Variants in MTUS2 observed in about 807,000 individuals in gnomAD.
MTUS2 encodes microtubule associated scaffold protein 2.
MTUS2 carries 40 observed loss-of-function variants against 114.1 expected under a neutral mutation model. The ratio of observed to expected loss-of-function variants is 0.35; its 90% CI spans 0.27 to 0.46. MTUS2 has a LOEUF of 0.46. MTUS2 is among the 20% of genes least tolerant of loss of function. The pLI, the probability that MTUS2 is intolerant of heterozygous loss-of-function variation, is 1.00. For missense variants in MTUS2, 1,679 were observed against 1,705.4 expected, an observed-to-expected ratio of 0.98 and a Z score of 0.27; for synonymous variants, 688 against 672.0, an observed-to-expected ratio of 1.02 and a Z score of -0.37.
At chr13:29,163,993 A>G (rs1893210280) in intron 5 of MTUS2, among the ~76,000 whole-genome samples, 1 of 152,152 alleles carries the variant, frequency 6.6e-6, no homozygotes, top group Non-Finnish European at 1.5e-5. Context: ...AAACTCTGCT[A>G]CACGCCCTTT....
rs1188226708 is a variant in MTUS2, at chr13:29,130,189, AAC to A, written c.2644+29222_2644+29223del. Among the ~76,000 whole-genome samples, 9 of 150,928 alleles carry A rather than the reference AAC, an allele frequency of 6.0e-5. No individual in the cohort carries two copies. The South Asian group carries it at 1.9e-3, about 32-fold the overall frequency. ...GTAGATTTTGAGTATGTCATTAATT[AAC>A]ACGTTTAACTCAGATCAAATTTCTC... On this transcript the variant is annotated intron_variant, in intron 5 of 15. Transcript: ENST00000612955.
intron 5 of MTUS2, among the ~76,000 whole-genome samples, chr13:29,267,404 A>G (rs1307974786): frequency 1.3e-5 from 2 of 152,142 alleles, no homozygotes; most frequent in Admixed American, 1.3e-4. Context: ...TTTCATAACA[A>G]ATCACAGTGT....
intron 6 of MTUS2, among the ~76,000 whole-genome samples, chr13:29,322,513 A>G (rs1593300813): frequency 6.6e-6 from 1 of 152,178 alleles, no homozygotes; most frequent in Non-Finnish European, 1.5e-5. Flanking sequence ...CTTAGACCCT[A>G]TCTGGGTCAA....
rs187849163 is a variant in MTUS2, at chr13:29,340,303, A to G, written c.2905+15592A>G. Among the ~76,000 whole-genome samples, 122 of 152,340 alleles carry G rather than the reference A, an allele frequency of 8.0e-4. 1 individual carries two copies. The highest frequency in any genetic ancestry group is 2.7e-3 in the African/African-American group (113 of 41,584). On this transcript the variant is annotated intron_variant, in intron 7 of 15. Transcript: ENST00000612955. ...ACTTTTGTGCCTGACCTTTAAAGGT[A>G]GAAGATAGAATTTCTGCCAGGTCCT...
intron 6 of MTUS2, among the ~76,000 whole-genome samples, chr13:29,319,848 A>G (rs915322635): frequency 2.4e-5 from 3 of 122,600 alleles, no homozygotes; most frequent in African/African-American, 3.9e-5. Context: ...GCTATTCAAG[A>G]AAGCTAAAAA....
chr13:29,175,127 A>AT (rs1396802199), intron 5 of MTUS2, among the ~76,000 whole-genome samples: 5 of 152,176 alleles, frequency 3.3e-5, no homozygotes, highest in South Asian at 2.1e-4. Context: ...GAAAATTTGC[A>AT]TTTTTTATTA....
chr13:29,030,291 TG>T (rs1320870862), intron 3 of MTUS2, among the ~76,000 whole-genome samples: 3 of 152,170 alleles, frequency 2.0e-5, no homozygotes, highest in African/African-American at 7.2e-5. Context: ...CCCACTGGTG[TG>T]GAGAGAGCAT....
At position 29,472,131 on chromosome 13, in the gene MTUS2, T is replaced by G. The variant is rs548919842; in HGVS notation, c.3185-8019T>G. On this transcript the variant is annotated intron_variant, in intron 9 of 15. Coordinates refer to ENST00000612955, the MANE Select transcript of MTUS2 (RefSeq NM_001033602.4). ...CCTCTGCCTCCCGAGTTCAAGCGAT[T>G]CTCCTGCCTCAGCCTCCCAAGTATC... is the stretch of plus-strand genomic sequence containing the variant. Among the ~76,000 whole-genome samples, 8 of 152,268 alleles carry G rather than the reference T, an allele frequency of 5.3e-5. No individual in the cohort carries two copies. In the South Asian group the frequency reaches 1.2e-3, roughly 24 times the overall value.
At chr13:29,217,332 A>G (rs1306615891) in intron 5 of MTUS2, among the ~76,000 whole-genome samples, 1 of 152,190 alleles carries the variant, frequency 6.6e-6, no homozygotes. Context: ...TTTCCTAATA[A>G]CTATTACATA....
chr13:29,140,626 A>G (rs1892178696), intron 5 of MTUS2, among the ~76,000 whole-genome samples: 1 of 152,214 alleles, frequency 6.6e-6, no homozygotes, highest in African/African-American at 2.4e-5. Context: ...ATGATCACCC[A>G]AAGGTATTTG....
intron 4 of MTUS2, among the ~76,000 whole-genome samples, chr13:29,044,567 A>C (rs1887525964): frequency 6.6e-6 from 1 of 152,190 alleles, no homozygotes; most frequent in South Asian, 2.1e-4. Context: ...CACATATATT[A>C]GGCCTCTTGG....
chr13:28,840,635 C>T (rs1247295767), intron 2 of MTUS2, among the ~76,000 whole-genome samples: 1 of 152,126 alleles, frequency 6.6e-6, no homozygotes, highest in African/African-American at 2.4e-5. Context: ...ATGATGAGCC[C>T]GATGCCTCCG....
chr13:29,093,358 A>G (rs1219136882), intron 4 of MTUS2, among the ~76,000 whole-genome samples: 1 of 152,080 alleles, frequency 6.6e-6, no homozygotes, highest in East Asian at 1.9e-4. Context: ...TAGGAGAATC[A>G]CTTGAACCTA....
intron 5 of MTUS2, among the ~76,000 whole-genome samples, chr13:29,157,811 G>A (rs1003753600): frequency 6.8e-6 from 1 of 147,758 alleles, no homozygotes; most frequent in African/African-American, 2.4e-5. Flanking sequence ...TATAGATACA[G>A]ATATAGATGT....
chr13:29,323,429 T>G (rs1197303028), intron 6 of MTUS2, among the ~76,000 whole-genome samples: 1 of 152,134 alleles, frequency 6.6e-6, no homozygotes, highest in Non-Finnish European at 1.5e-5. Flanking sequence ...TTTTGTAATT[T>G]TTAGTAAAGA....
rs76444721 is a variant in MTUS2 at position 29,307,937 on chromosome 13, A to G, written c.2807-16676A>G. ...AAGAGGGAGGGGCCTAGGGAGCCCC[A>G]CCTTGTCATGTACCATCAATAAAGT... On this transcript the variant is annotated intron_variant, in intron 6 of 15. Coordinates refer to ENST00000612955, the MANE Select transcript of MTUS2 (RefSeq NM_001033602.4). Among the ~76,000 whole-genome samples, 1,001 of 152,290 alleles carry G rather than the reference A, an allele frequency of 6.6e-3. 47 individuals carry two copies. In the East Asian group the frequency reaches 0.13, roughly 19 times the overall value.
chr13:29,100,700 T>G, intron 4 of MTUS2, 73 bp from the exon 5 acceptor site: 1 of 1,498,310 alleles, frequency 6.7e-7, no homozygotes, highest in Non-Finnish European at 9.0e-7. Context: ...GGGTTCGAAT[T>G]CATAATCTGT....
chr13:29,121,625 C>T (rs1891312180), intron 5 of MTUS2, among the ~76,000 whole-genome samples: 1 of 151,678 alleles, frequency 6.6e-6, no homozygotes, highest in African/African-American at 2.4e-5. Context: ...CAAATCCCTG[C>T]TCTGCTAGTC....
intron 5 of MTUS2, among the ~76,000 whole-genome samples, chr13:29,200,285 G>A (rs183676409): frequency 1.3e-5 from 2 of 151,264 alleles, no homozygotes; most frequent in African/African-American, 4.8e-5. Context: ...GTGATGTTAG[G>A]GTGTCGATTT....
Sources: allele counts gnomAD v4.1 joint callset (sites outside exome capture counted in the v4.1 genomes callset), GRCh38; gene constraint gnomAD v4.1.1; transcripts MANE v1.5; gene names NCBI Gene and HGNC (gene_info 2026-07-23, HGNC 2026-07-21).